CCDC7: variants seen among roughly 807,000 people sequenced by gnomAD.
The protein encoded by CCDC7 is coiled-coil domain containing 7.
A neutral mutation model predicts 196.9 loss-of-function variants in CCDC7; 183 were observed. The ratio of observed to expected loss-of-function variants is 0.93; its 90% CI spans 0.82 to 1.05. The LOEUF is 1.05. Ranked by LOEUF, CCDC7 falls within the 50% of genes least tolerant of loss-of-function variation. The probability of loss-of-function intolerance (pLI) is 0.00; values close to 1 mark genes in which losing one functional copy is unlikely to be tolerated. For synonymous variants in CCDC7, 525 were observed against 484.6 expected (o/e 1.08, Z -1.10); for missense variants, 1,540 against 1,482.2 (o/e 1.04, Z -0.64).
intron 30 of CCDC7, among the ~76,000 whole-genome samples, chr10:32,806,518 C>T (rs1252354407): frequency 6.6e-6 from 1 of 151,880 alleles, no homozygotes; most frequent in Admixed American, 6.6e-5. Flanking sequence ...AATGTTTCAT[C>T]AAATAGAAGA....
At chr10:32,809,835 C>G (rs2086685782) in intron 30 of CCDC7, among the ~76,000 whole-genome samples, 1 of 152,194 alleles carries the variant, frequency 6.6e-6, no homozygotes, top group African/African-American at 2.4e-5. Context: ...CCTCAGGGAT[C>G]TAGAACTAGA....
At chr10:32,841,590 CT>C (rs1361209667) in intron 33 of CCDC7, among the ~76,000 whole-genome samples, 1 of 152,002 alleles carries the variant, frequency 6.6e-6, no homozygotes, top group African/African-American at 2.4e-5. Context: ...CAACATCATT[CT>C]TCACAGAACT....
chr10:32,498,931 C>G (rs529700308), intron 9 of CCDC7, among the ~76,000 whole-genome samples: 1 of 151,848 alleles, frequency 6.6e-6, no homozygotes, highest in Non-Finnish European at 1.5e-5. Flanking sequence ...GAATGTTGGC[C>G]TGCCTTGCTA....
chr10:32,793,235 C>T (rs987832827), intron 29 of CCDC7, among the ~76,000 whole-genome samples: 4 of 152,034 alleles, frequency 2.6e-5, no homozygotes, highest in South Asian at 2.1e-4. Flanking sequence ...TGGAAGATTA[C>T]ATAATCAAGG....
chr10:32,667,333 G>T (rs1029230839), intron 21 of CCDC7, among the ~76,000 whole-genome samples: 1 of 152,156 alleles, frequency 6.6e-6, no homozygotes, highest in Non-Finnish European at 1.5e-5. Context: ...TGTTCACTCT[G>T]ATGGTAGTTT....
At position 32,464,302 on chromosome 10, in the gene CCDC7, A is replaced by G. The variant is rs544875382; in HGVS notation, c.510+1253A>G. On this transcript the variant is annotated intron_variant, in intron 5 of 41. Transcript: ENST00000639629. ...TTAAATACTGCTCTGGCCACCAAAC[A>G]CTTGGAATGCTCTAAATACAAGCTG... 2.7e-3 allele frequency among the ~76,000 whole-genome samples: 404 copies of G among 152,282 alleles called. 1 individual carries two copies. The highest frequency in any genetic ancestry group is 4.5e-3 in the Non-Finnish European group (304 of 68,014).
At chr10:32,474,894 G>A (rs1407488590) in intron 8 of CCDC7, among the ~76,000 whole-genome samples, 1 of 152,190 alleles carries the variant, frequency 6.6e-6, no homozygotes, top group Non-Finnish European at 1.5e-5. Context: ...CTTGGAACAG[G>A]TTGCTGGGAA....
chr10:32,554,854 A>G (rs1589817589), intron 13 of CCDC7, among the ~76,000 whole-genome samples: 1 of 151,738 alleles, frequency 6.6e-6, no homozygotes, highest in African/African-American at 2.4e-5. Flanking sequence ...ACTGCACTCC[A>G]CCCCCTACTA....
Position 32,583,313 on chromosome 10 carries a change from A to G in CCDC7, c.1728+6A>G. On this transcript the variant is annotated splice_donor_region_variant and intron_variant, in intron 17 of 41. Coordinates refer to ENST00000639629, the Ensembl canonical transcript of CCDC7. Reference sequence around the variant, plus strand: ...TTCTTACAGAAAGTAAAAAGGTATGATATATATAGAAACTTGAAAGCTGTT... The same window carrying G: ...TTCTTACAGAAAGTAAAAAGGTATGGTATATATAGAAACTTGAAAGCTGTT... The G allele has an allele frequency of 8.2e-7, 1 of 1,225,730 alleles. No individual in the cohort carries two copies. The highest frequency in any genetic ancestry group is 1.0e-6 in the Non-Finnish European group (1 of 982,360). The allele number at this position is 1,225,730 out of a possible 1,614,324, so 75.9% of individuals were successfully genotyped here.
At chr10:32,519,065 C>G (rs551018248) in intron 11 of CCDC7, among the ~76,000 whole-genome samples, 1 of 152,094 alleles carries the variant, frequency 6.6e-6, no homozygotes, top group African/African-American at 2.4e-5. Context: ...ATGTTGGTTG[C>G]TTGATATTTC....
chr10:32,714,792 C>T (rs528709803), intron 25 of CCDC7, among the ~76,000 whole-genome samples: 3 of 152,224 alleles, frequency 2.0e-5, no homozygotes, highest in Admixed American at 6.5e-5. Context: ...AGTTCGAATT[C>T]GGTGCAGAAC....
intron 28 of CCDC7, among the ~76,000 whole-genome samples, chr10:32,755,371 G>T (rs2076261949): frequency 6.6e-6 from 1 of 152,166 alleles, no homozygotes; most frequent in African/African-American, 2.4e-5. Context: ...CCTCCCAGTA[G>T]GGGCCGACTG....
chr10:32,528,254 G>A (rs527518538), intron 11 of CCDC7, among the ~76,000 whole-genome samples: 16 of 148,072 alleles, frequency 1.1e-4, no homozygotes, highest in Non-Finnish European at 2.1e-4. Context: ...TATGTAGCAC[G>A]TTTCTTTTTT....
intron 24 of CCDC7, among the ~76,000 whole-genome samples, chr10:32,699,634 C>G (rs1313832786): frequency 6.7e-6 from 1 of 149,446 alleles, no homozygotes; most frequent in Admixed American, 6.6e-5. Context: ...GCCACACAGA[C>G]TTCCACAATG....
At chr10:32,490,517 C>T (rs1244265333) in intron 8 of CCDC7, among the ~76,000 whole-genome samples, 1 of 152,184 alleles carries the variant, frequency 6.6e-6, no homozygotes, top group East Asian at 1.9e-4. Context: ...TTTATTTTGG[C>T]TGGGTGCAGT....
chr10:32,628,444 A>G (rs1275035710), intron 18 of CCDC7, among the ~76,000 whole-genome samples: 1 of 151,930 alleles, frequency 6.6e-6, no homozygotes, highest in East Asian at 1.9e-4. Context: ...TTACCATTTC[A>G]AAGAATCAAG....
At chr10:32,632,489 G>A (rs549724270) in intron 18 of CCDC7, among the ~76,000 whole-genome samples, 1 of 150,728 alleles carries the variant, frequency 6.6e-6, no homozygotes, top group African/African-American at 2.4e-5. Flanking sequence ...TATTCTTTCT[G>A]CTTACTTTAA....
At position 32,865,418 on chromosome 10, in the gene CCDC7, C is replaced by T. The variant is rs984548188; in HGVS notation, c.4111+10929C>T. ...CTCCTATTATACACACACACACACA[C>T]ACACACACACACACGAGAATGGCTA... On this transcript the variant is annotated intron_variant, in intron 41 of 41. Coordinates refer to ENST00000639629, the Ensembl canonical transcript of CCDC7. Among the ~76,000 whole-genome samples, 11 of 151,712 alleles carry T rather than the reference C, an allele frequency of 7.3e-5. No individual in the cohort carries two copies. In the East Asian group the frequency reaches 2.1e-3, roughly 30 times the overall value.
rs1432545614 is a variant in CCDC7 at position 32,805,106 on chromosome 10, A to C, written c.3097+8A>C. ...AGTCAAAGAGTTTCCCTGGTAAGAA[A>C]ATATTTTTAAGTCTAATATTTCTCA... is the stretch of plus-strand genomic sequence containing the variant. On this transcript the variant is annotated splice_region_variant and intron_variant, in intron 30 of 41. Transcript: ENST00000639629. 1 of 1,579,438 alleles carries C rather than the reference A, an allele frequency of 6.3e-7. No individual in the cohort carries two copies. The highest frequency in any genetic ancestry group is 8.7e-7 in the Non-Finnish European group (1 of 1,149,982).
Sources: gnomAD v4.1 joint callset for allele counts (sites outside exome capture counted in the v4.1 genomes callset) on GRCh38, gnomAD v4.1.1 for gene constraint, MANE v1.5 for transcripts, NCBI Gene and HGNC (gene_info 2026-07-23, HGNC 2026-07-21) for gene names.